Variants in EYS observed in about 807,000 individuals in gnomAD.
EYS encodes the protein EGF-like photoreceptor maintenance factor.
EYS carries 250 observed loss-of-function variants against 282.1 expected under a neutral mutation model. The observed-to-expected ratio is 0.89, with a 90% CI of 0.80 to 0.98. The LOEUF (loss-of-function observed/expected upper bound fraction) is 0.98. EYS is among the 50% of genes least tolerant of loss of function. The pLI, the probability that EYS is intolerant of heterozygous loss-of-function variation, is 0.00. For missense variants in EYS, 4,016 were observed against 3,709.0 expected, an observed-to-expected ratio of 1.08 and a Z score of -2.15; for synonymous variants, 1,355 against 1,282.9, an observed-to-expected ratio of 1.06 and a Z score of -1.20.
intron 15 of EYS, among the ~76,000 whole-genome samples, chr6:64,942,836 A>C (rs1027183273): frequency 2.7e-5 from 4 of 146,996 alleles, no homozygotes; most frequent in Non-Finnish European, 4.6e-5. Context: ...CCAAAAAAAA[A>C]AAAAAAACAA....
intron 5 of EYS, among the ~76,000 whole-genome samples, chr6:65,439,433 T>C (rs1768214751): frequency 1.3e-5 from 2 of 152,154 alleles, no homozygotes; most frequent in Admixed American, 1.3e-4. Flanking sequence ...TTAAATTACC[T>C]TGGGCAGCAT....
At chr6:63,961,525 ACT>A (rs1554192014) in intron 35 of EYS, among the ~76,000 whole-genome samples, 2 of 151,510 alleles carry the variant, frequency 1.3e-5, no homozygotes, top group Non-Finnish European at 1.5e-5. Flanking sequence ...CCCTTGGCTG[ACT>A]CTCTTTTCAG....
intron 36 of EYS, among the ~76,000 whole-genome samples, chr6:63,841,863 G>T (rs543514228): frequency 2.0e-5 from 3 of 152,214 alleles, no homozygotes; most frequent in South Asian, 2.1e-4. Context: ...TGCGGGGTTT[G>T]GTTTTCTGTT....
chr6:65,315,995 A>G (rs917240052), intron 11 of EYS, among the ~76,000 whole-genome samples: 3 of 152,090 alleles, frequency 2.0e-5, no homozygotes, highest in Admixed American at 6.6e-5. Flanking sequence ...TTTAATTTGC[A>G]TTTCTCTGAC....
intron 14 of EYS, among the ~76,000 whole-genome samples, chr6:64,961,317 G>T (rs1026376958): frequency 3.3e-5 from 5 of 152,108 alleles, no homozygotes; most frequent in African/African-American, 1.2e-4. Flanking sequence ...ATTTTGGTCA[G>T]TGGTGTTGTA....
intron 29 of EYS, among the ~76,000 whole-genome samples, chr6:64,309,464 T>C (rs377021808): frequency 2.0e-5 from 3 of 152,234 alleles, no homozygotes; most frequent in South Asian, 4.1e-4. Context: ...TCTTCATTTC[T>C]TATGTTTTAA....
At chr6:65,555,250 G>A (rs537337921) in intron 2 of EYS, among the ~76,000 whole-genome samples, 30 of 152,112 alleles carry the variant, frequency 2.0e-4, no homozygotes, top group African/African-American at 5.8e-4. Flanking sequence ...TCTACTTTGT[G>A]AAATAAACTG....
chr6:64,213,714 A>G (rs1325929187), intron 31 of EYS, among the ~76,000 whole-genome samples: 1 of 152,188 alleles, frequency 6.6e-6, no homozygotes. Flanking sequence ...ACAGTGAAAC[A>G]TTAGAGGGCA....
intron 19 of EYS, among the ~76,000 whole-genome samples, chr6:64,827,560 A>G (rs1313456374): frequency 6.6e-6 from 1 of 151,914 alleles, no homozygotes; most frequent in East Asian, 1.9e-4. Context: ...TAAAATTTAC[A>G]TAATAGCATG....
intron 36 of EYS, among the ~76,000 whole-genome samples, chr6:63,825,147 A>G (rs1284836773): frequency 1.3e-5 from 2 of 150,370 alleles, no homozygotes; most frequent in African/African-American, 2.5e-5. Context: ...TACTTCCCTG[A>G]CAACCTTCAT....
In EYS at chr6:64,822,566, T is replaced by C. The variant is rs907350514; in HGVS notation, c.3164+85A>G. Reference sequence around the variant, plus strand: ...ATGAAAGAGCATAATTAAAATTATCTTTATCAACTTTCCCTTGATGTTAAG... The same window carrying C: ...ATGAAAGAGCATAATTAAAATTATCCTTATCAACTTTCCCTTGATGTTAAG... On this transcript the variant is annotated intron_variant, in intron 20 of 42. Coordinates refer to ENST00000503581, the MANE Select transcript of EYS (RefSeq NM_001142800.2). 3.5e-6 allele frequency: 4 copies of C among 1,132,210 alleles called. No homozygotes were observed. In the African/African-American group the frequency reaches 4.8e-5, roughly 14 times the overall value. 70.1% of individuals were successfully genotyped at this position (1,132,210 alleles called of 1,614,324 possible). A position where few individuals can be genotyped will look rare whatever the true frequency, so the allele number is the denominator to read the frequency against.
At chr6:64,863,852 A>AT (rs1344785713) in intron 19 of EYS, among the ~76,000 whole-genome samples, 4 of 151,986 alleles carry the variant, frequency 2.6e-5, no homozygotes, top group Non-Finnish European at 5.9e-5. Flanking sequence ...TTAAATTATT[A>AT]TTTTTTTCCT....
chr6:64,290,929 A>C (rs747670816), intron 30 of EYS, among the ~76,000 whole-genome samples: 12 of 16,684 alleles, frequency 7.2e-4, no homozygotes, highest in Non-Finnish European at 1.5e-3. Context: ...AAGCAACCAC[A>C]GATAATATGT....
chr6:64,101,583 TA>T (rs760692164), intron 31 of EYS, among the ~76,000 whole-genome samples: 45 of 152,106 alleles, frequency 3.0e-4, no homozygotes, highest in Non-Finnish European at 5.7e-4. Context: ...TTTTGTTTGT[TA>T]GGTTTATCGG....
intron 20 of EYS, 31 bp downstream of exon 20, chr6:64,822,620 T>A (rs1168240748): frequency 6.8e-7 from 1 of 1,477,576 alleles, no homozygotes; most frequent in East Asian, 2.5e-5. Flanking sequence ...AAATATACTT[T>A]CATAAAGCTA....
chr6:64,985,558 A>G (rs1222581665), intron 14 of EYS, among the ~76,000 whole-genome samples: 1 of 151,558 alleles, frequency 6.6e-6, no homozygotes, highest in African/African-American at 2.4e-5. Flanking sequence ...GAGGTCTAAA[A>G]ATAAATTTAA....
chr6:64,950,792 CATATACATATATAT>C lies in EYS; in HGVS notation c.2260-4892_2260-4879del, dbSNP rs1388302434. On this transcript the variant is annotated intron_variant, in intron 14 of 42. Coordinates refer to ENST00000503581, the MANE Select transcript of EYS (RefSeq NM_001142800.2). ...TGAATAAAAAATATATACACATATA[CATATACATATATAT>C]ATATATATATATATATATATATATA... 2.7e-3 allele frequency among the ~76,000 whole-genome samples: 162 copies of C among 60,924 alleles called. 5 individuals carry two copies. The highest frequency in any genetic ancestry group is 8.6e-3 in the African/African-American group (121 of 14,014). 40.0% of individuals were successfully genotyped at this position (60,924 alleles called of 152,430 possible).
chr6:65,458,886 A>G (rs918853771), intron 5 of EYS, among the ~76,000 whole-genome samples: 1 of 152,072 alleles, frequency 6.6e-6, no homozygotes, highest in African/African-American at 2.4e-5. Context: ...TGCAGGTACT[A>G]TTGTAAGCCT....
At chr6:64,846,024 CA>C in intron 19 of EYS, among the ~76,000 whole-genome samples, 1 of 152,128 alleles carries the variant, frequency 6.6e-6, no homozygotes, top group East Asian at 1.9e-4. Context: ...CATATGTTTC[CA>C]AATTTTTCAA....
Sources: allele counts gnomAD v4.1 joint callset (sites outside exome capture counted in the v4.1 genomes callset), GRCh38; gene constraint gnomAD v4.1.1; transcripts MANE v1.5; gene names NCBI Gene and HGNC (gene_info 2026-07-23, HGNC 2026-07-21).